The following RAB11FIP3 variants were observed in gnomAD, a reference collection of about 807,000 sequenced individuals.
RAB11FIP3 encodes RAB11 family interacting protein 3.
Under a neutral mutation model 77.8 loss-of-function variants are expected in RAB11FIP3, and 17 were observed. That is an observed-to-expected ratio of 0.22 (90% CI 0.15 to 0.33). RAB11FIP3 has a LOEUF of 0.33. RAB11FIP3 is among the 10% of genes least tolerant of loss of function. The pLI is 1.00. For synonymous variants in RAB11FIP3, 437 were observed against 448.2 expected (o/e 0.98, Z 0.31); for missense variants, 1,005 against 1,011.2 (o/e 0.99, Z 0.08).
chr16:468,110 T>A (rs866725269), intron 2 of RAB11FIP3, among the ~76,000 whole-genome samples: 66 of 6,532 alleles, frequency 0.01, no homozygotes, highest in Admixed American at 0.014. Flanking sequence ...GAGGAGGTGC[T>A]GGGGCCTCAG....
intron 4 of RAB11FIP3, 72 bp downstream of exon 4, chr16:482,808 G>T: frequency 6.8e-7 from 1 of 1,472,512 alleles, no homozygotes; most frequent in South Asian, 1.2e-5. Flanking sequence ...CTGATGGGCA[G>T]ACTGGGGTCT....
rs141893165 is a variant in RAB11FIP3 at position 490,575 on chromosome 16, G to T, written c.1265+1575G>T. ...TGGTCTCAAACGCCTGAGCTCAAGC[G>T]ATCCACCCAAAGTGCTGGAATTAGA... is the stretch of plus-strand genomic sequence containing the variant. On this transcript the variant is annotated intron_variant, in intron 5 of 13. Transcript: ENST00000262305. Among the ~76,000 whole-genome samples, 937 of 152,232 alleles carry T rather than the reference G, an allele frequency of 6.2e-3. 12 individuals are homozygous for T. The highest frequency in any genetic ancestry group is 0.022 in the African/African-American group (894 of 41,546).
At chr16:454,623 G>T (rs982895130) in intron 1 of RAB11FIP3, among the ~76,000 whole-genome samples, 5 of 152,124 alleles carry the variant, frequency 3.3e-5, no homozygotes, top group African/African-American at 1.2e-4. Flanking sequence ...AACCAACCAT[G>T]AAAACACCCC....
rs999959183 is a variant in RAB11FIP3 at position 514,327 on chromosome 16, G to A, written c.1640+3527G>A. ...CCAGCCTGGCCTCTGCCCATCTGGT[G>A]TACAGGAAGACCCTGGTCAGTGCAA... On this transcript the variant is annotated intron_variant, in intron 9 of 13. Coordinates refer to ENST00000262305, the MANE Select transcript of RAB11FIP3 (RefSeq NM_014700.4). The surrounding 1 kb of genome is among the most constrained non-coding windows in gnomAD (Gnocchi z 4.6). 4.6e-5 allele frequency among the ~76,000 whole-genome samples: 7 copies of A among 151,940 alleles called. No individual in the cohort carries two copies. The East Asian group carries it at 5.8e-4, about 13-fold the overall frequency.
At chr16:482,836 G>T in intron 4 of RAB11FIP3, 100 bp downstream of exon 4, 1 of 1,273,840 alleles carries the variant, frequency 7.9e-7, no homozygotes, top group Non-Finnish European at 1.1e-6. Flanking sequence ...GTGCGTGCTG[G>T]TTAGCATCCA....
intron 5 of RAB11FIP3, among the ~76,000 whole-genome samples, chr16:495,282 G>C (rs1390959792): frequency 6.6e-6 from 1 of 152,066 alleles, no homozygotes; most frequent in Non-Finnish European, 1.5e-5. Flanking sequence ...CCGGGGCAGA[G>C]CCCCCCAGCT....
Position 426,073 on chromosome 16 carries a change from G to A in RAB11FIP3, c.67G>A (p.Gly23Arg). 1 of 1,001,030 alleles carries A rather than the reference G, an allele frequency of 1.0e-6. No individual in the cohort carries two copies. Among genetic ancestry groups the A allele is most frequent in the Non-Finnish European group, 1.2e-6 (1 of 841,784 alleles). The allele number at this position is 1,001,030 out of a possible 1,614,324, so 62.0% of individuals were successfully genotyped here. ...EPPGPDPEPG[G>R]PDGPGAAQLA... Reference sequence around the variant, plus strand: ...GCCGGGGCCCGACCCGGAGCCGGGCGGGCCGGACGGGCCGGGGGCGGCACA... The same window carrying A: ...GCCGGGGCCCGACCCGGAGCCGGGCAGGCCGGACGGGCCGGGGGCGGCACA... The change falls in exon 1 of 14, where the codon GGG (glycine) becomes AGG (arginine). Residue 23 changes from glycine to arginine, a missense_variant. Physicochemically the swap from Gly to Arg is moderately radical, Grantham distance 125. Around this residue, in one of 4 missense-constraint regions of RAB11FIP3, gnomAD observed 466 missense variants for 408.3 expected, o/e 1.14. Transcript: ENST00000262305. The surrounding 1 kb of genome is among the most constrained non-coding windows in gnomAD (Gnocchi z 5.0).
At chr16:519,170 T>C in intron 10 of RAB11FIP3, 146 bp downstream of exon 10, 1 of 774,900 alleles carries the variant, frequency 1.3e-6, no homozygotes, top group African/African-American at 1.7e-5. Context: ...CCCAGGCCGC[T>C]GGAAGACACT....
rs75597743 is a variant in RAB11FIP3, at chr16:492,924, G to A, written c.1266-3900G>A. ...ACTAGCAAGTCCTGTGGAGCCTCACGTCCAGGTTCTGCTACCCCTTTTCCT... is the reference window on the plus strand; with the variant it reads ...ACTAGCAAGTCCTGTGGAGCCTCACATCCAGGTTCTGCTACCCCTTTTCCT... On this transcript the variant is annotated intron_variant, in intron 5 of 13. Coordinates refer to ENST00000262305, the MANE Select transcript of RAB11FIP3 (RefSeq NM_014700.4). Among the ~76,000 whole-genome samples, 1,226 of 152,204 alleles carry A rather than the reference G, an allele frequency of 8.1e-3. 22 individuals carry two copies. Among genetic ancestry groups the A allele is most frequent in the African/African-American group, 0.028 (1,151 of 41,526 alleles).
intron 2 of RAB11FIP3, among the ~76,000 whole-genome samples, chr16:469,505 G>T (rs1292935817): frequency 6.6e-6 from 1 of 151,728 alleles, no homozygotes; most frequent in Non-Finnish European, 1.5e-5. Context: ...AGTGATTCTT[G>T]TGCCTCAGCC....
chr16:503,617 C>T (rs531054124), intron 7 of RAB11FIP3, among the ~76,000 whole-genome samples: 157 of 152,206 alleles, frequency 1.0e-3, no homozygotes, highest in African/African-American at 3.7e-3. Flanking sequence ...TGGTGGCTCA[C>T]GCCTGGAATC....
chr16:440,141 C>A lies in RAB11FIP3; in HGVS notation c.714+13421C>A, dbSNP rs575701405. Among the ~76,000 whole-genome samples, 505 of 152,086 alleles carry A rather than the reference C, an allele frequency of 3.3e-3. 4 individuals carry two copies. Among genetic ancestry groups the A allele is most frequent in the African/African-American group, 0.012 (488 of 41,468 alleles). ...TACAGGCGTGAGCCACCGCGCCCGG[C>A]CTTCTTGGTTGATTAATATTTATTT... On this transcript the variant is annotated intron_variant, in intron 1 of 13. Transcript: ENST00000262305.
intron 1 of RAB11FIP3, among the ~76,000 whole-genome samples, chr16:454,260 T>G (rs1331124066): frequency 6.6e-6 from 1 of 152,152 alleles, no homozygotes; most frequent in Non-Finnish European, 1.5e-5. Context: ...TAGTAGTTGG[T>G]GCAAAGCTGA....
intron 4 of RAB11FIP3, among the ~76,000 whole-genome samples, chr16:486,253 G>A (rs183415755): frequency 1.3e-5 from 2 of 152,140 alleles, no homozygotes; most frequent in Non-Finnish European, 2.9e-5. Context: ...CAGCCCTTTG[G>A]GGGGCCGAGG....
chr16:447,866 G>C (rs2055342562), intron 1 of RAB11FIP3, among the ~76,000 whole-genome samples: 1 of 152,042 alleles, frequency 6.6e-6, no homozygotes, highest in Admixed American at 6.6e-5. Context: ...GAAAGGGTGA[G>C]AACAAAGGGT....
chr16:461,493 C>A lies in RAB11FIP3; in HGVS notation c.804C>A (p.Asn268Lys). Residue 268 changes from asparagine to lysine, a missense_variant, in exon 2 of 14, where the codon AAC becomes AAA. By Grantham distance (94) the Asn-to-Lys change is moderately conservative. Around this residue, in one of 4 missense-constraint regions of RAB11FIP3, gnomAD observed 466 missense variants for 408.3 expected, o/e 1.14. Transcript: ENST00000262305. The surrounding 1 kb of genome is among the most constrained non-coding windows in gnomAD (Gnocchi z 4.5). ...ACCAAGGGATCACAGCCATCAGAAA[C>A]GGAGGTCAGTCATCCCCGCCATGAG... is the stretch of plus-strand genomic sequence containing the variant. ...DFYQGITAIR[N>K]GDPDGQCYGG... is the part of the protein sequence containing the mutation. 1.2e-6 allele frequency: 2 copies of A among 1,612,718 alleles called. No homozygotes were observed. The highest frequency in any genetic ancestry group is 1.7e-6 in the Non-Finnish European group (2 of 1,179,518).
intron 3 of RAB11FIP3, 187 bp from the exon 4 acceptor site, chr16:482,338 G>GA (rs1438068112): frequency 4.2e-6 from 3 of 713,152 alleles, no homozygotes; most frequent in Non-Finnish European, 7.6e-6. Context: ...TTACAGGCGT[G>GA]AGTCACCGCG....
In RAB11FIP3 at chr16:426,311, G is replaced by A. The variant is rs1423188948; in HGVS notation, c.305G>A (p.Ser102Asn). ...PRSGPRGQLA[S>N]PDAPGPGPRS... Reference sequence around the variant, plus strand: ...TCCGGCCCGCGGGGGCAGCTTGCGAGCCCCGACGCCCCGGGCCCAGGGCCG... The same window carrying A: ...TCCGGCCCGCGGGGGCAGCTTGCGAACCCCGACGCCCCGGGCCCAGGGCCG... The change falls in exon 1 of 14, where the codon AGC becomes AAC. Residue 102 changes from serine (S) to asparagine (N), a missense_variant. By Grantham distance (46) the Ser-to-Asn change is conservative. Coordinates refer to ENST00000262305, the MANE Select transcript of RAB11FIP3 (RefSeq NM_014700.4). This position sits in a 1 kb window ranked among gnomAD's most constrained non-coding sequence, Gnocchi z 5.0. The A allele has an allele frequency of 3.0e-6, 4 of 1,331,060 alleles. No homozygotes were observed. The highest frequency in any genetic ancestry group is 1.5e-5 in the African/African-American group (1 of 65,662). The allele number at this position is 1,331,060 out of a possible 1,614,324, so 82.5% of individuals were successfully genotyped here.
rs1162150957 is a variant in RAB11FIP3 at position 471,465 on chromosome 16, C to G, written c.903+76C>G. ...CCTTTATGCCCTACAGCTCGTGCCT[C>G]CTGCCTCCGGGCTGTCTTCCGTAGA... On this transcript the variant is annotated intron_variant, in intron 3 of 13. Coordinates refer to ENST00000262305, the MANE Select transcript of RAB11FIP3 (RefSeq NM_014700.4). This position sits in a 1 kb window ranked among gnomAD's most constrained non-coding sequence, Gnocchi z 4.4. 7 of 1,256,614 alleles carry G rather than the reference C, an allele frequency of 5.6e-6. No individual in the cohort carries two copies. Among genetic ancestry groups the G allele is most frequent in the Non-Finnish European group, 8.0e-6 (7 of 878,950 alleles). The allele number at this position is 1,256,614 out of a possible 1,614,324, so 77.8% of individuals were successfully genotyped here.
Sources: allele counts gnomAD v4.1 joint callset (sites outside exome capture counted in the v4.1 genomes callset), GRCh38; gene constraint gnomAD v4.1.1; regional missense constraint gnomAD v4.1.1; non-coding constraint Gnocchi (gnomAD v3.1); transcripts MANE v1.5; gene names NCBI Gene and HGNC (gene_info 2026-07-23, HGNC 2026-07-21).